The following GRID2 variants were observed in gnomAD, a reference collection of about 807,000 sequenced individuals.
The protein encoded by GRID2 is glutamate receptor ionotropic, delta-2.
GRID2 carries 33 observed loss-of-function variants against 114.8 expected under a neutral mutation model. The observed-to-expected ratio is 0.29, with a 90% CI of 0.22 to 0.38. The LOEUF (loss-of-function observed/expected upper bound fraction) is 0.38. GRID2 is among the 10% of genes least tolerant of loss of function. The pLI is 1.00. For missense variants in GRID2, 1,184 were observed against 1,257.7 expected, an observed-to-expected ratio of 0.94 and a Z score of 0.89; for synonymous variants, 505 against 449.9, an observed-to-expected ratio of 1.12 and a Z score of -1.55.
chr4:93,482,885 A>G (rs1726014081), intron 11 of GRID2, among the ~76,000 whole-genome samples: 1 of 151,894 alleles, frequency 6.6e-6, no homozygotes, highest in Non-Finnish European at 1.5e-5. Context: ...TAGTGAACCC[A>G]TTATCCTGTG....
intron 2 of GRID2, among the ~76,000 whole-genome samples, chr4:92,952,916 A>G (rs1190152245): frequency 6.6e-6 from 1 of 152,206 alleles, no homozygotes; most frequent in Admixed American, 6.5e-5. Context: ...CAGCAGAGGT[A>G]TGCTGCCACT....
chr4:93,704,150 AG>A (rs1455034648), intron 14 of GRID2, among the ~76,000 whole-genome samples: 1 of 152,164 alleles, frequency 6.6e-6, no homozygotes, highest in Non-Finnish European at 1.5e-5. Context: ...CATCCTCTCC[AG>A]CACCTGTTGT....
intron 2 of GRID2, among the ~76,000 whole-genome samples, chr4:92,837,477 T>TA (rs76387998): frequency 0.025 from 3,249 of 127,970 alleles, 42 homozygotes; most frequent in Non-Finnish European, 0.03. Context: ...CCCTTCAGGT[T>TA]AAAAAAAAAA....
intron 14 of GRID2, among the ~76,000 whole-genome samples, chr4:93,712,449 A>G (rs1443229814): frequency 6.6e-6 from 1 of 152,158 alleles, no homozygotes; most frequent in Non-Finnish European, 1.5e-5. Flanking sequence ...ATTCCCATTG[A>G]GTTATATCCC....
At chr4:92,974,779 A>C (rs191199657) in intron 2 of GRID2, among the ~76,000 whole-genome samples, 2 of 152,258 alleles carry the variant, frequency 1.3e-5, no homozygotes, top group East Asian at 1.9e-4. Flanking sequence ...GCACGTGTAC[A>C]TCTATGTAAC....
intron 1 of GRID2, among the ~76,000 whole-genome samples, chr4:92,366,443 TA>T (rs1232071072): frequency 6.6e-6 from 1 of 151,992 alleles, no homozygotes; most frequent in East Asian, 1.9e-4. Flanking sequence ...TTGTGAGGAA[TA>T]AATGAGGTAA....
At chr4:93,776,456 G>A (rs1734371865), downstream of GRID2, among the ~76,000 whole-genome samples, 1 of 152,196 alleles carries the variant, frequency 6.6e-6, no homozygotes, top group Non-Finnish European at 1.5e-5. Flanking sequence ...TGTTAACAGA[G>A]AACCTATTAT....
At chr4:93,440,698 A>G (rs1721544175) in intron 10 of GRID2, among the ~76,000 whole-genome samples, 1 of 152,120 alleles carries the variant, frequency 6.6e-6, no homozygotes, top group East Asian at 1.9e-4. Flanking sequence ...CTAATGAAGG[A>G]AAAGGATAAC....
chr4:93,656,857 A>AAAAC (rs1553973735), intron 14 of GRID2, among the ~76,000 whole-genome samples: 5 of 93,886 alleles, frequency 5.3e-5, no homozygotes, highest in Non-Finnish European at 1.0e-4. Flanking sequence ...AAAAAAAAAA[A>AAAAC]CAAATAATTC....
chr4:92,887,215 C>T (rs1211698514), intron 2 of GRID2, among the ~76,000 whole-genome samples: 1 of 152,208 alleles, frequency 6.6e-6, no homozygotes, highest in Non-Finnish European at 1.5e-5. Flanking sequence ...AGCCCAGCAA[C>T]ATAATGTCTG....
At chr4:92,761,099 A>C (rs568733313) in intron 2 of GRID2, among the ~76,000 whole-genome samples, 8 of 152,092 alleles carry the variant, frequency 5.3e-5, no homozygotes, top group East Asian at 3.9e-4. Flanking sequence ...TTTTATCCAA[A>C]CTTTGATCAT....
chr4:92,309,913 G>A (rs1263013783), intron 1 of GRID2, among the ~76,000 whole-genome samples: 3 of 151,816 alleles, frequency 2.0e-5, no homozygotes, highest in African/African-American at 2.4e-5. Context: ...AGCTTCTAAC[G>A]GTGGTAGCTC....
intron 9 of GRID2, among the ~76,000 whole-genome samples, chr4:93,396,442 A>G (rs1435704064): frequency 6.6e-6 from 1 of 151,950 alleles, no homozygotes; most frequent in African/African-American, 2.4e-5. Context: ...TATAGGTTAT[A>G]GAGTGTGGAT....
At chr4:93,394,424 A>G (rs867443174) in intron 8 of GRID2, among the ~76,000 whole-genome samples, 1 of 151,796 alleles carries the variant, frequency 6.6e-6, no homozygotes, top group Non-Finnish European at 1.5e-5. Flanking sequence ...GTACATTTTC[A>G]TTTTCTTAAT....
At chr4:93,186,571 C>T (rs1197216694) in intron 4 of GRID2, among the ~76,000 whole-genome samples, 6 of 152,054 alleles carry the variant, frequency 3.9e-5, no homozygotes, top group Non-Finnish European at 8.8e-5. Flanking sequence ...CATGCTCTTC[C>T]CACTCTAGCG....
intron 2 of GRID2, among the ~76,000 whole-genome samples, chr4:92,611,512 C>T (rs1274993155): frequency 6.6e-6 from 1 of 151,452 alleles, no homozygotes; most frequent in Non-Finnish European, 1.5e-5. Flanking sequence ...CCACACTGAG[C>T]ATTAGTGTTC....
chr4:93,328,189 G>C (rs1018439581), intron 8 of GRID2, among the ~76,000 whole-genome samples: 1 of 152,010 alleles, frequency 6.6e-6, no homozygotes, highest in African/African-American at 2.4e-5. Context: ...AGATGTAAAT[G>C]AGATAATGCC....
At chr4:93,448,468 TA>T (rs1266321380) in intron 10 of GRID2, among the ~76,000 whole-genome samples, 1 of 151,918 alleles carries the variant, frequency 6.6e-6, no homozygotes, top group Non-Finnish European at 1.5e-5. Flanking sequence ...TACACCCTCA[TA>T]ATATGCCATT....
chr4:93,559,402 T>A (rs540741043), intron 13 of GRID2, among the ~76,000 whole-genome samples: 5 of 151,754 alleles, frequency 3.3e-5, no homozygotes, highest in East Asian at 1.9e-4. Context: ...AAAAACCCCA[T>A]CAAAAAGTAG....
Sources: allele counts gnomAD v4.1 joint callset (sites outside exome capture counted in the v4.1 genomes callset), GRCh38; gene constraint gnomAD v4.1.1; transcripts MANE v1.5; gene names NCBI Gene and HGNC (gene_info 2026-07-23, HGNC 2026-07-21).